BRIP1: variants seen among roughly 807,000 people sequenced by gnomAD.
The protein encoded by BRIP1 is BRCA1 interacting DNA helicase 1, also known as Fanconi anemia group J protein.
Under a neutral mutation model 119.7 loss-of-function variants are expected in BRIP1, and 88 were observed. The ratio of observed to expected loss-of-function variants is 0.74; its 90% CI spans 0.62 to 0.88. The LOEUF is 0.88. Ranked by LOEUF, BRIP1 falls within the 40% of genes least tolerant of loss-of-function variation. BRIP1 has a pLI of 0.00. For missense variants in BRIP1, 1,259 were observed against 1,455.4 expected (o/e 0.87, Z 2.20); for synonymous variants, 443 against 496.5 (o/e 0.89, Z 1.43).
rs2078338229 is a variant in BRIP1, at chr17:61,822,312, T to A, written c.628-13555A>T. Reference sequence around the variant, plus strand: ...CTTTTATAAAAACAATTACATTTTTTAAAAACATACACAGAAAAGAAAACA... The same window carrying A: ...CTTTTATAAAAACAATTACATTTTTAAAAAACATACACAGAAAAGAAAACA... On this transcript the variant is annotated intron_variant, in intron 6 of 19. Coordinates refer to ENST00000259008, the MANE Select transcript of BRIP1 (RefSeq NM_032043.3). The surrounding 1 kb of genome is among the most constrained non-coding windows in gnomAD (Gnocchi z 4.4). 1.3e-5 allele frequency among the ~76,000 whole-genome samples: 2 copies of A among 152,306 alleles called. No individual in the cohort carries two copies. Among genetic ancestry groups the A allele is most frequent in the East Asian group, 1.9e-4 (1 of 5,186 alleles).
rs1283595052 is a variant in BRIP1 at position 61,691,306 on chromosome 17, CCTAGGAATAAACAA to C, written c.2575+2110_2575+2123del. Among the ~76,000 whole-genome samples, 2 of 151,626 alleles carry C rather than the reference CCTAGGAATAAACAA, an allele frequency of 1.3e-5. No individual in the cohort carries two copies. The highest frequency in any genetic ancestry group is 4.9e-5 in the African/African-American group (2 of 41,230). On this transcript the variant is annotated intron_variant, in intron 18 of 19. Coordinates refer to ENST00000259008, the MANE Select transcript of BRIP1 (RefSeq NM_032043.3). This position sits in a 1 kb window ranked among gnomAD's most constrained non-coding sequence, Gnocchi z 5.0. ...AAATAGCATCAAAAATAATAAAATA[CCTAGGAATAAACAA>C]CTAAGGAGGCAAAAAACCTGTACAC...
At chr17:61,847,289 G>A (rs2078750502) in intron 5 of BRIP1, 69 bp from the exon 6 acceptor site, 26 of 1,521,244 alleles carry the variant, frequency 1.7e-5, no homozygotes, top group Non-Finnish European at 2.4e-5. Context: ...GTTCTCAAAG[G>A]CCAAAACAGC....
In BRIP1 at chr17:61,693,551, C is replaced by A. The variant is rs752172887; in HGVS notation, c.2493-39G>T. 6.5e-7 allele frequency: 1 copy of A among 1,529,280 alleles called. No individual in the cohort carries two copies. The highest frequency in any genetic ancestry group is 1.4e-5 in the African/African-American group (1 of 73,134). 94.7% of individuals were successfully genotyped at this position (1,529,280 alleles called of 1,614,324 possible). On this transcript the variant is annotated intron_variant, in intron 17 of 19. Coordinates refer to ENST00000259008, the MANE Select transcript of BRIP1 (RefSeq NM_032043.3). This position sits in a 1 kb window ranked among gnomAD's most constrained non-coding sequence, Gnocchi z 4.2. ...GGAAAAAGTCAAATAATTATAACAT[C>A]GGAAATAAATCCAGTTTTCCAGTGG...
intron 16 of BRIP1, among the ~76,000 whole-genome samples, chr17:61,731,554 T>A (rs2076843080): frequency 6.6e-6 from 1 of 152,230 alleles, no homozygotes; most frequent in South Asian, 2.1e-4. Context: ...CTTCTTTCAG[T>A]TCTTGGAAAC....
rs891626322 is a variant in BRIP1 at position 61,690,438 on chromosome 17, A to G, written c.2575+2992T>C. On this transcript the variant is annotated intron_variant, in intron 18 of 19. Transcript: ENST00000259008. The surrounding 1 kb of genome is among the most constrained non-coding windows in gnomAD (Gnocchi z 5.6). ...ACTTTAATAATAAAATGTGATGGGA[A>G]AAGTAAAAGTGTAGAGTTTATACAA... Among the ~76,000 whole-genome samples the G allele has an allele frequency of 9.2e-5, 14 of 152,236 alleles. No individual in the cohort carries two copies. Among genetic ancestry groups the G allele is most frequent in the African/African-American group, 3.4e-4 (14 of 41,472 alleles).
In BRIP1 at chr17:61,804,481, TG is replaced by T. The variant is rs113067412; in HGVS notation, c.919-3008del. Among the ~76,000 whole-genome samples, 22 of 151,346 alleles carry T rather than the reference TG, an allele frequency of 1.5e-4. No individual in the cohort carries two copies. The highest frequency in any genetic ancestry group is 4.4e-4 in the African/African-American group (18 of 41,276). Reference sequence around the variant, plus strand: ...GTACATACACATACATATATACATATGGGTTCAAGCACTTCTCATGCCTCAG... The same window carrying T: ...GTACATACACATACATATATACATATGGTTCAAGCACTTCTCATGCCTCAG... On this transcript the variant is annotated intron_variant, in intron 7 of 19. Coordinates refer to ENST00000259008, the MANE Select transcript of BRIP1 (RefSeq NM_032043.3). The surrounding 1 kb of genome is among the most constrained non-coding windows in gnomAD (Gnocchi z 4.5).
chr17:61,685,361 CTAAAAA>C (rs1234738559), intron 19 of BRIP1: 2 of 154,996 alleles, frequency 1.3e-5, no homozygotes, highest in Non-Finnish European at 2.9e-5. Context: ...CTCTCACCTC[CTAAAAA>C]TAAGTTCATA....
rs2144060177 is a variant in BRIP1, at chr17:61,682,737, C to T, written c.*559G>A. The T allele has an allele frequency of 1.0e-5, 2 of 191,560 alleles. No homozygotes were observed. Among genetic ancestry groups the T allele is most frequent in the East Asian group, 8.4e-5 (1 of 11,950 alleles). 11.9% of individuals were successfully genotyped at this position (191,560 alleles called of 1,614,324 possible). ...GAGAACCACCTAATATGAATATTTA[C>T]GTGAAACTAGAAGTGCCCTAGGATC... On this transcript the variant is annotated 3_prime_UTR_variant, in exon 20 of 20. Transcript: ENST00000259008. This position sits in a 1 kb window ranked among gnomAD's most constrained non-coding sequence, Gnocchi z 4.9.
chr17:61,766,867 T>C (rs2077380910), intron 14 of BRIP1, among the ~76,000 whole-genome samples: 2 of 152,096 alleles, frequency 1.3e-5, no homozygotes, highest in South Asian at 4.1e-4. Context: ...AATAGAAAAG[T>C]TTCTATTCTC....
At chr17:61,688,690 C>A (rs2061397883) in intron 18 of BRIP1, among the ~76,000 whole-genome samples, 1 of 141,832 alleles carries the variant, frequency 7.1e-6, no homozygotes, top group Non-Finnish European at 1.5e-5. Flanking sequence ...TTACAAGAAA[C>A]ATAAAGAAAC....
intron 10 of BRIP1, among the ~76,000 whole-genome samples, chr17:61,784,802 C>A (rs1241613197): frequency 1.3e-5 from 2 of 152,138 alleles, no homozygotes; most frequent in African/African-American, 4.8e-5. Context: ...AACCAGCTCC[C>A]CTTCACCTTT....
Position 61,805,597 on chromosome 17 carries a change from T to A in BRIP1, c.918+2870A>T, listed in dbSNP as rs2078062606. ...AACTCCAGGGCCCATTTTTCTCATGTGACTAAGCATCAAAAGAATATTTGA... is the reference window on the plus strand; with the variant it reads ...AACTCCAGGGCCCATTTTTCTCATGAGACTAAGCATCAAAAGAATATTTGA... On this transcript the variant is annotated intron_variant, in intron 7 of 19. Coordinates refer to ENST00000259008, the MANE Select transcript of BRIP1 (RefSeq NM_032043.3). This position sits in a 1 kb window ranked among gnomAD's most constrained non-coding sequence, Gnocchi z 5.6. Among the ~76,000 whole-genome samples the A allele has an allele frequency of 6.6e-6, 1 of 152,196 alleles. No individual in the cohort carries two copies. Among genetic ancestry groups the A allele is most frequent in the African/African-American group, 2.4e-5 (1 of 41,464 alleles).
At position 61,774,780 on chromosome 17, in the gene BRIP1, TAATA is replaced by T. The variant is rs533172669; in HGVS notation, c.2097+1617_2097+1620del. On this transcript the variant is annotated intron_variant, in intron 14 of 19. Coordinates refer to ENST00000259008, the MANE Select transcript of BRIP1 (RefSeq NM_032043.3). This position sits in a 1 kb window ranked among gnomAD's most constrained non-coding sequence, Gnocchi z 5.8. Reference sequence around the variant, plus strand: ...CAGAAAAATAATCTATTCATTTTGCTAATATATATACAGTCACTAAAAAGTTATT... The same window carrying T: ...CAGAAAAATAATCTATTCATTTTGCTTATATACAGTCACTAAAAAGTTATT... Among the ~76,000 whole-genome samples, 329 of 152,310 alleles carry T rather than the reference TAATA, an allele frequency of 2.2e-3. 1 individual carries two copies. The highest frequency in any genetic ancestry group is 7.3e-3 in the African/African-American group (303 of 41,572).
intron 8 of BRIP1, among the ~76,000 whole-genome samples, chr17:61,800,215 A>G (rs2077968841): frequency 6.6e-6 from 1 of 152,190 alleles, no homozygotes; most frequent in Non-Finnish European, 1.5e-5. Flanking sequence ...GTCACTTGCA[A>G]TAGAAAGAGT....
At chr17:61,840,313 G>A (rs1265438549) in intron 6 of BRIP1, among the ~76,000 whole-genome samples, 5 of 129,052 alleles carry the variant, frequency 3.9e-5, no homozygotes, top group South Asian at 4.7e-4. Flanking sequence ...AGCCGAGATC[G>A]CCCACTGCAC....
chr17:61,766,344 A>T (rs1438399280), intron 14 of BRIP1, among the ~76,000 whole-genome samples: 1 of 152,180 alleles, frequency 6.6e-6, no homozygotes, highest in Non-Finnish European at 1.5e-5. Context: ...CAAGAACTAC[A>T]TCTAACCTGA....
chr17:61,760,691 A>T lies in BRIP1; in HGVS notation c.2097+15710T>A, dbSNP rs137962199. 5.7e-3 allele frequency among the ~76,000 whole-genome samples: 861 copies of T among 152,164 alleles called. 5 individuals are homozygous for T. The highest frequency in any genetic ancestry group is 0.02 in the African/African-American group (823 of 41,554). On this transcript the variant is annotated intron_variant, in intron 14 of 19. Transcript: ENST00000259008. The surrounding 1 kb of genome is among the most constrained non-coding windows in gnomAD (Gnocchi z 4.6). ...ACTGGATACCTGGAAGAAATGGATA[A>T]ATTCCTAGACACATACAACCTACCA...
At chr17:61,772,736 T>C (rs1319014877) in intron 14 of BRIP1, among the ~76,000 whole-genome samples, 2 of 145,492 alleles carry the variant, frequency 1.4e-5, no homozygotes, top group East Asian at 4.1e-4. Context: ...GAGAATCACT[T>C]GAACCCGGGA....
At chr17:61,749,542 G>A (rs1175344568) in intron 14 of BRIP1, among the ~76,000 whole-genome samples, 3 of 151,984 alleles carry the variant, frequency 2.0e-5, no homozygotes, top group South Asian at 2.1e-4. Flanking sequence ...TCAAAACCAC[G>A]ATGAGATATT....
Sources: allele counts gnomAD v4.1 joint callset (sites outside exome capture counted in the v4.1 genomes callset), GRCh38; gene constraint gnomAD v4.1.1; non-coding constraint Gnocchi (gnomAD v3.1); transcripts MANE v1.5; gene names NCBI Gene and HGNC (gene_info 2026-07-23, HGNC 2026-07-21).